Variants in AKAP9 observed in about 807,000 individuals in gnomAD.
The protein encoded by AKAP9 is A-kinase anchoring protein 9.
Under a neutral mutation model 488.5 loss-of-function variants are expected in AKAP9, and 311 were observed. The observed-to-expected ratio is 0.64, with a 90% CI of 0.58 to 0.70. The LOEUF is 0.70. AKAP9 is among the 30% of genes least tolerant of loss of function. AKAP9 has a pLI of 0.00. For synonymous variants in AKAP9, 1,462 were observed against 1,483.5 expected (o/e 0.99, Z 0.33); for missense variants, 4,215 against 4,374.5 (o/e 0.96, Z 1.03).
At chr7:91,977,960 G>A (rs1249173368) in intron 2 of AKAP9, among the ~76,000 whole-genome samples, 1 of 151,976 alleles carries the variant, frequency 6.6e-6, no homozygotes, top group Non-Finnish European at 1.5e-5. Context: ...AGATAATCTC[G>A]GCTGGGTGCA....
chr7:92,095,835 G>C (rs1365890492), intron 40 of AKAP9, among the ~76,000 whole-genome samples: 2 of 152,136 alleles, frequency 1.3e-5, no homozygotes, highest in East Asian at 3.8e-4. Flanking sequence ...CAGGCAAAGA[G>C]AACTCTCTGC....
chr7:92,060,239 T>G (rs1809535821), intron 22 of AKAP9, among the ~76,000 whole-genome samples: 1 of 152,112 alleles, frequency 6.6e-6, no homozygotes, highest in South Asian at 2.1e-4. Flanking sequence ...ACCACTACAT[T>G]TGATCATATT....
In AKAP9 at chr7:92,079,257, A is replaced by G. The variant is rs2130860986; in HGVS notation, c.7124A>G (p.His2375Arg). ...NIGQKTSMNA[H>R]SLSEEADSLK... ...GGACAGAAGACATCAATGAATGCTCATTCCCTCTCAGAAGAAGCAGACAGT... is the reference window on the plus strand; with the variant it reads ...GGACAGAAGACATCAATGAATGCTCGTTCCCTCTCAGAAGAAGCAGACAGT... The change falls in exon 31 of 50, where the codon CAT becomes CGT. Residue 2375 changes from histidine (H) to arginine (R), a missense_variant. His to Arg is a conservative substitution (Grantham distance 29, BLOSUM62 0). This residue lies in a region of AKAP9 where 1,476 missense variants were observed against 1,477.4 expected (regional missense o/e 1.00). Transcript: ENST00000356239. 6.2e-7 allele frequency: 1 copy of G among 1,614,136 alleles called. No individual in the cohort carries two copies.
At chr7:92,018,808 C>G (rs530859242) in intron 12 of AKAP9, among the ~76,000 whole-genome samples, 2 of 152,242 alleles carry the variant, frequency 1.3e-5, no homozygotes, top group African/African-American at 4.8e-5. Context: ...GCTTCTAGAT[C>G]TCTATGTTTA....
rs1816733498 is a variant in AKAP9, at chr7:92,097,089, G to A, written c.10130G>A (p.Arg3377Gln). The A allele has an allele frequency of 6.2e-6, 10 of 1,614,150 alleles. No homozygotes were observed. The East Asian group carries it at 6.7e-5, about 11-fold the overall frequency. The change falls in exon 41 of 50, where the codon CGA (arginine) becomes CAA (glutamine). Residue 3377 changes from arginine to glutamine, a missense_variant. Transcript: ENST00000356239. ...EKYKLDSLQT[R>Q]QQMEKDRQVH... ...TATAAACTGGATTCTTTGCAAACAC[G>A]ACAGCAAATGGAAAAAGATAGGCAG...
In AKAP9 at chr7:92,102,488, T is replaced by C. The variant is rs371491153; in HGVS notation, c.11098-106T>C. 0.013 allele frequency: 6,976 copies of C among 538,912 alleles called. 30 individuals are homozygous for C. Among genetic ancestry groups the C allele is most frequent in the Non-Finnish European group, 0.017 (5,092 of 308,062 alleles). The allele number at this position is 538,912 out of a possible 1,614,324, so 33.4% of individuals were successfully genotyped here. A position where few individuals can be genotyped will look rare whatever the true frequency, so the allele number is the denominator to read the frequency against. On this transcript the variant is annotated intron_variant, in intron 45 of 49. Transcript: ENST00000356239. ...CTACTACTACTACTACTACTACTAC[T>C]ACCACCACCACCACCACTACTTGTT... is the stretch of plus-strand genomic sequence containing the variant.
At chr7:91,998,418 CTTTTTTTTTTTTTTTTTTTTTTT>C (rs60778133) in intron 7 of AKAP9, among the ~76,000 whole-genome samples, 5 of 53,962 alleles carry the variant, frequency 9.3e-5, no homozygotes, top group South Asian at 7.4e-4. Flanking sequence ...CCACAGGGCT[CTTTTTTTTTTTTTTTTTTTTTTT>C]TTTTTTTTTT....
chr7:92,086,579 A>G (rs1814608789), intron 37 of AKAP9, among the ~76,000 whole-genome samples, 163 bp downstream of exon 37: 1 of 152,242 alleles, frequency 6.6e-6, no homozygotes, highest in Non-Finnish European at 1.5e-5. Context: ...GTTAGAAGGT[A>G]AGAAAGACTG....
intron 21 of AKAP9, among the ~76,000 whole-genome samples, chr7:92,050,798 T>G (rs1257247059): frequency 6.6e-6 from 1 of 152,158 alleles, no homozygotes; most frequent in African/African-American, 2.4e-5. Flanking sequence ...CAAATCCCAT[T>G]AACACTTCAG....
intron 21 of AKAP9, among the ~76,000 whole-genome samples, chr7:92,046,836 T>TA (rs1261751022): frequency 6.6e-6 from 1 of 152,214 alleles, no homozygotes; most frequent in Non-Finnish European, 1.5e-5. Flanking sequence ...ATTTTGCTGT[T>TA]CTGCTGGTAA....
At chr7:92,032,682 G>A (rs1204010671) in intron 16 of AKAP9, among the ~76,000 whole-genome samples, 1 of 152,046 alleles carries the variant, frequency 6.6e-6, no homozygotes, top group Non-Finnish European at 1.5e-5. Context: ...TAAATTCGAT[G>A]AGGAAGTCAA....
At chr7:92,057,183 A>G (rs945694583) in intron 22 of AKAP9, among the ~76,000 whole-genome samples, 4 of 152,112 alleles carry the variant, frequency 2.6e-5, no homozygotes, top group Non-Finnish European at 5.9e-5. Context: ...ATAGGTTATA[A>G]CTGAAATGTC....
At chr7:92,076,184 T>A (rs1003537697) in intron 28 of AKAP9, among the ~76,000 whole-genome samples, 1 of 152,226 alleles carries the variant, frequency 6.6e-6, no homozygotes, top group African/African-American at 2.4e-5. Context: ...TTTCAGTCTC[T>A]AACCATCAAA....
At position 92,062,325 on chromosome 7, in the gene AKAP9, A is replaced by T; in HGVS notation, c.5816A>T (p.Gln1939Leu). Residue 1939 changes from glutamine to leucine, a missense_variant, in exon 24 of 50, where the codon CAG (glutamine) becomes CTG (leucine). By Grantham distance (113) the Gln-to-Leu change is moderately radical (BLOSUM62 -2). Around this residue, in one of 5 missense-constraint regions of AKAP9, gnomAD observed 2,361 missense variants for 2,430.0 expected, o/e 0.97. Transcript: ENST00000356239. Reference protein sequence around the residue: ...DEKTLFERQIQEKTDIIDRLE... With the variant: ...DEKTLFERQILEKTDIIDRLE... ...AAAACTCTTTTTGAAAGGCAAATTC[A>T]GGAAAAAACTGATATAATAGATCGT... 6.2e-7 allele frequency: 1 copy of T among 1,613,890 alleles called. No individual in the cohort carries two copies. Among genetic ancestry groups the T allele is most frequent in the South Asian group, 1.1e-5 (1 of 91,084 alleles).
At chr7:92,107,570 C>T (rs1464454998) in intron 48 of AKAP9, 148 bp downstream of exon 48, 3 of 775,880 alleles carry the variant, frequency 3.9e-6, no homozygotes, top group Non-Finnish European at 6.3e-6. Flanking sequence ...AGTGCGGTGG[C>T]TCACACCTAT....
In AKAP9 at chr7:92,078,563, C is replaced by T. The variant is rs540923115; in HGVS notation, c.6946-516C>T. 4.0e-5 allele frequency among the ~76,000 whole-genome samples: 6 copies of T among 150,902 alleles called. No homozygotes were observed. The South Asian group carries it at 1.3e-3, about 32-fold the overall frequency. ...CTCCAGCTTGGGTGACAGAGTGAGACCCTGTCTCAAAAAGAAAAAAAAAAA... is the reference window on the plus strand; with the variant it reads ...CTCCAGCTTGGGTGACAGAGTGAGATCCTGTCTCAAAAAGAAAAAAAAAAA... On this transcript the variant is annotated intron_variant, in intron 30 of 49. Coordinates refer to ENST00000356239, the MANE Select transcript of AKAP9 (RefSeq NM_005751.5).
chr7:91,954,032 AAG>A (rs1792626534), intron 1 of AKAP9, among the ~76,000 whole-genome samples: 1 of 152,294 alleles, frequency 6.6e-6, no homozygotes, highest in Admixed American at 6.5e-5. Context: ...AAGGAGAGAA[AAG>A]AGAGGGTTAT....
At chr7:92,015,363 G>C (rs2130711345) in intron 10 of AKAP9, among the ~76,000 whole-genome samples, 1 of 136,352 alleles carries the variant, frequency 7.3e-6, no homozygotes, top group South Asian at 2.5e-4. Context: ...TCATGTGTTA[G>C]GAATTTTTTT....
chr7:91,969,432 G>T (rs1012356522), intron 1 of AKAP9, among the ~76,000 whole-genome samples: 1 of 152,142 alleles, frequency 6.6e-6, no homozygotes, highest in Non-Finnish European at 1.5e-5. Context: ...CCTATTTGGC[G>T]TAGTGTATAG....
Sources: gnomAD v4.1 joint callset for allele counts (sites outside exome capture counted in the v4.1 genomes callset) on GRCh38, gnomAD v4.1.1 for gene constraint, gnomAD v4.1.1 regional missense constraint, MANE v1.5 for transcripts, NCBI Gene and HGNC (gene_info 2026-07-23, HGNC 2026-07-21) for gene names.